GPR107: variants seen among roughly 807,000 people sequenced by gnomAD.
GPR107 encodes the protein G protein-coupled receptor 107.
GPR107 carries 31 observed loss-of-function variants against 75.5 expected under a neutral mutation model. That is an observed-to-expected ratio of 0.41 (90% CI 0.31 to 0.55). GPR107 has a LOEUF of 0.55. Among genes scored for constraint, GPR107 ranks in the 20% least tolerant of loss-of-function variants. The probability of loss-of-function intolerance (pLI) is 0.26; values close to 1 mark genes in which losing one functional copy is unlikely to be tolerated. For missense variants in GPR107, 572 were observed against 665.7 expected, an observed-to-expected ratio of 0.86 and a Z score of 1.55; for synonymous variants, 267 against 251.3, an observed-to-expected ratio of 1.06 and a Z score of -0.59.
chr9:130,119,931 C>T (rs1589526365), intron 14 of GPR107, among the ~76,000 whole-genome samples: 1 of 152,170 alleles, frequency 6.6e-6, no homozygotes, highest in Non-Finnish European at 1.5e-5. Flanking sequence ...TCAGCCTCCC[C>T]TCCTACCTCA....
Position 130,125,612 on chromosome 9 carries a change from T to TA in GPR107, c.1356+648_1356+649insA, listed in dbSNP as rs1831656297. Among the ~76,000 whole-genome samples, 2 of 149,166 alleles carry TA rather than the reference T, an allele frequency of 1.3e-5. 1 individual carries two copies. The highest frequency in any genetic ancestry group is 4.9e-5 in the African/African-American group (2 of 40,758). ...ATCTGAGTTCCTTTTTTTTTTTTTT[T>TA]TTTTTTTGAGACGGAGTCTCGCTCT... On this transcript the variant is annotated intron_variant, in intron 15 of 17. Coordinates refer to ENST00000347136, the MANE Select transcript of GPR107 (RefSeq NM_020960.5).
intron 13 of GPR107, among the ~76,000 whole-genome samples, chr9:130,106,537 C>A (rs539131155): frequency 6.6e-6 from 1 of 151,874 alleles, no homozygotes; most frequent in African/African-American, 2.4e-5. Context: ...GCGGAGGTTG[C>A]AGTGAGCCAA....
intron 14 of GPR107, among the ~76,000 whole-genome samples, chr9:130,111,198 G>T (rs1237063449): frequency 6.6e-6 from 1 of 151,974 alleles, no homozygotes; most frequent in Admixed American, 6.6e-5. Flanking sequence ...AGGCATGGTG[G>T]CTTAGGCCTG....
intron 14 of GPR107, among the ~76,000 whole-genome samples, chr9:130,118,071 G>A (rs1263315641): frequency 6.6e-6 from 1 of 152,188 alleles, no homozygotes; most frequent in African/African-American, 2.4e-5. Context: ...GTCCTTGGAG[G>A]GAGGTGGACT....
At chr9:130,082,673 G>A (rs1021421958) in intron 5 of GPR107, among the ~76,000 whole-genome samples, 1 of 151,870 alleles carries the variant, frequency 6.6e-6, no homozygotes, top group Non-Finnish European at 1.5e-5. Context: ...TAGAGACGGG[G>A]TTTCACCATG....
chr9:130,079,844 A>C, intron 5 of GPR107, 75 bp downstream of exon 5: 3 of 949,090 alleles, frequency 3.2e-6, no homozygotes, highest in Non-Finnish European at 4.6e-6. Context: ...AATTAAAAGT[A>C]AAAGTAAAAC....
chr9:130,062,456 A>G (rs532532161), intron 1 of GPR107, among the ~76,000 whole-genome samples: 17 of 149,538 alleles, frequency 1.1e-4, no homozygotes, highest in African/African-American at 4.2e-4. Flanking sequence ...TAATAATAAT[A>G]ATAGCACTGA....
At chr9:130,116,852 A>C (rs989460845) in intron 14 of GPR107, among the ~76,000 whole-genome samples, 2 of 151,992 alleles carry the variant, frequency 1.3e-5, no homozygotes, top group African/African-American at 2.4e-5. Context: ...TTTAAGATAT[A>C]ATTTCGTTTA....
intron 1 of GPR107, among the ~76,000 whole-genome samples, chr9:130,068,601 A>AT (rs939871524): frequency 6.6e-5 from 10 of 151,802 alleles, no homozygotes; most frequent in African/African-American, 1.5e-4. Context: ...TCATTACTCT[A>AT]TTTTTTTTAT....
intron 14 of GPR107, among the ~76,000 whole-genome samples, chr9:130,118,728 T>TGGGCAG (rs1423699342): frequency 1.3e-5 from 2 of 150,364 alleles, no homozygotes; most frequent in Non-Finnish European, 3.0e-5. Context: ...TTCCCTAAGA[T>TGGGCAG]GGGCAGGGGC....
At chr9:130,073,489 GTTATC>G (rs1446868523) in intron 1 of GPR107, among the ~76,000 whole-genome samples, 1 of 152,124 alleles carries the variant, frequency 6.6e-6, no homozygotes, top group African/African-American at 2.4e-5. Context: ...GATGACCTCT[GTTATC>G]TTATCTGGCT....
chr9:130,124,981 A>G lies in GPR107; in HGVS notation c.1356+17A>G, dbSNP rs771788621. ...TACGTCTTGGTAAGTAAAAAAAAAA[A>G]AAATCCTCAATCTATAAATAAAATC... is the stretch of plus-strand genomic sequence containing the variant. On this transcript the variant is annotated intron_variant, in intron 15 of 17. Transcript: ENST00000347136. The G allele has an allele frequency of 2.3e-6, 3 of 1,279,564 alleles. No individual in the cohort carries two copies. The highest frequency in any genetic ancestry group is 4.8e-5 in the East Asian group (2 of 42,100). The allele number at this position is 1,279,564 out of a possible 1,614,324, so 79.3% of individuals were successfully genotyped here. A position where few individuals can be genotyped will look rare whatever the true frequency, so the allele number is the denominator to read the frequency against.
At chr9:130,127,666 A>T in intron 16 of GPR107, 100 bp downstream of exon 16, 1 of 685,666 alleles carries the variant, frequency 1.5e-6, no homozygotes, top group Non-Finnish European at 2.6e-6. Flanking sequence ...GGGAATGACC[A>T]CTAAGACCTT....
chr9:130,071,062 G>A (rs1228379659), intron 1 of GPR107, among the ~76,000 whole-genome samples: 2 of 124,930 alleles, frequency 1.6e-5, no homozygotes, highest in Non-Finnish European at 3.2e-5. Context: ...TTGAGACAGA[G>A]TCACACTCTG....
intron 14 of GPR107, among the ~76,000 whole-genome samples, chr9:130,117,334 C>T (rs181525073): frequency 6.6e-5 from 10 of 152,202 alleles, no homozygotes; most frequent in African/African-American, 1.4e-4. Context: ...CTTGACCACT[C>T]GTAGCCTTTC....
rs565264912 is a variant in GPR107 at position 130,058,418 on chromosome 9, C to A, written c.141+4345C>A. On this transcript the variant is annotated intron_variant, in intron 1 of 17. Coordinates refer to ENST00000347136, the MANE Select transcript of GPR107 (RefSeq NM_020960.5). The stretch of plus-strand genomic sequence containing the variant: ...CTACTTTCTGTCTCTATAAACCTAC[C>A]CTTTCTGGATGTTTAATGTAAGTGG... 7.2e-5 allele frequency among the ~76,000 whole-genome samples: 11 copies of A among 152,150 alleles called. No homozygotes were observed. In the East Asian group the frequency reaches 2.1e-3, roughly 29 times the overall value.
At chr9:130,121,960 G>A (rs1354057654) in intron 14 of GPR107, among the ~76,000 whole-genome samples, 3 of 151,610 alleles carry the variant, frequency 2.0e-5, no homozygotes, top group Non-Finnish European at 4.4e-5. Flanking sequence ...GCGTGATCTC[G>A]GCTCACTGCA....
At chr9:130,056,538 A>T (rs781502011) in intron 1 of GPR107, among the ~76,000 whole-genome samples, 1 of 152,146 alleles carries the variant, frequency 6.6e-6, no homozygotes, top group Non-Finnish European at 1.5e-5. Context: ...GGAAGATGAA[A>T]AGTTGTTTTG....
intron 1 of GPR107, among the ~76,000 whole-genome samples, chr9:130,062,034 G>A (rs564377553): frequency 1.3e-5 from 2 of 152,204 alleles, no homozygotes; most frequent in South Asian, 4.2e-4. Context: ...TGTGCCACTC[G>A]GATTCTTAGT....
Sources: gnomAD v4.1 joint callset for allele counts (sites outside exome capture counted in the v4.1 genomes callset) on GRCh38, gnomAD v4.1.1 for gene constraint, MANE v1.5 for transcripts, NCBI Gene and HGNC (gene_info 2026-07-23, HGNC 2026-07-21) for gene names.